Variants in GMDS observed in about 807,000 individuals in gnomAD.
GMDS encodes the protein GDP-mannose 4,6-dehydratase.
GMDS carries 20 observed loss-of-function variants against 49.9 expected under a neutral mutation model. That is an observed-to-expected ratio of 0.40 (90% CI 0.28 to 0.58). The LOEUF is 0.58. GMDS is among the 20% of genes least tolerant of loss of function. The probability of loss-of-function intolerance (pLI) is 0.42; values close to 1 mark genes in which losing one functional copy is unlikely to be tolerated. For synonymous variants in GMDS, 177 were observed against 178.6 expected, an observed-to-expected ratio of 0.99 and a Z score of 0.07; for missense variants, 362 against 481.4, an observed-to-expected ratio of 0.75 and a Z score of 2.32.
intron 7 of GMDS, among the ~76,000 whole-genome samples, chr6:1,757,687 G>A (rs557716260): frequency 1.3e-3 from 199 of 152,326 alleles, no homozygotes; most frequent in African/African-American, 4.6e-3. Context: ...TGGTTGAAGT[G>A]TTGACAATCA....
At chr6:1,742,689 G>T in intron 7 of GMDS, 103 bp from the exon 8 acceptor site, 1 of 661,506 alleles carries the variant, frequency 1.5e-6, no homozygotes, top group South Asian at 1.8e-5. Flanking sequence ...GCTGGAACAT[G>T]AGCATGAATT....
rs1251073793 is a variant in GMDS, at chr6:1,768,067, T to C, written c.772-25481A>G. Among the ~76,000 whole-genome samples, 2 of 152,330 alleles carry C rather than the reference T, an allele frequency of 1.3e-5. 1 individual carries two copies. Among genetic ancestry groups the C allele is most frequent in the South Asian group, 4.1e-4 (2 of 4,828 alleles). Reference sequence around the variant, plus strand: ...GGTGTTAAAATAGGTATTTAGCCTGTATATGTTACTATATGAAGCAGAAGA... The same window carrying C: ...GGTGTTAAAATAGGTATTTAGCCTGCATATGTTACTATATGAAGCAGAAGA... On this transcript the variant is annotated intron_variant, in intron 7 of 10. Transcript: ENST00000380815.
chr6:1,667,405 C>T (rs1030697185), intron 9 of GMDS, among the ~76,000 whole-genome samples: 7 of 152,170 alleles, frequency 4.6e-5, no homozygotes, highest in African/African-American at 1.4e-4. Flanking sequence ...GCAGTTGTAC[C>T]TTTGACCCAA....
At chr6:1,683,056 C>T (rs192417051) in intron 9 of GMDS, among the ~76,000 whole-genome samples, 4 of 152,140 alleles carry the variant, frequency 2.6e-5, no homozygotes, top group African/African-American at 9.7e-5. Context: ...ACTATGCCGA[C>T]GTCGACATCC....
At chr6:2,068,590 G>A (rs56307704) in intron 4 of GMDS, among the ~76,000 whole-genome samples, 3,025 of 151,862 alleles carry the variant, frequency 0.02, 82 homozygotes, top group African/African-American at 0.068. Flanking sequence ...AAATCAATGT[G>A]CAAAAATCAC....
chr6:1,914,232 G>A (rs1018383812), intron 7 of GMDS, among the ~76,000 whole-genome samples: 1 of 150,174 alleles, frequency 6.7e-6, no homozygotes, highest in Admixed American at 6.6e-5. Flanking sequence ...TGAGGCCGGG[G>A]TATCATGAGG....
intron 7 of GMDS, among the ~76,000 whole-genome samples, chr6:1,842,460 C>T (rs902001105): frequency 4.6e-5 from 7 of 152,174 alleles, no homozygotes; most frequent in Admixed American, 1.3e-4. Flanking sequence ...CAGGAAAGGC[C>T]AGGGAAGTCA....
At chr6:1,912,786 G>A (rs560661772) in intron 7 of GMDS, among the ~76,000 whole-genome samples, 1 of 152,252 alleles carries the variant, frequency 6.6e-6, no homozygotes, top group African/African-American at 2.4e-5. Context: ...TGCACACTTG[G>A]TCAGAAAATT....
intron 7 of GMDS, among the ~76,000 whole-genome samples, chr6:1,784,409 A>G (rs1053210456): frequency 5.4e-4 from 82 of 151,586 alleles, no homozygotes; most frequent in African/African-American, 1.8e-3. Flanking sequence ...AAAAAAAAAA[A>G]AAAAAGAAAA....
At chr6:2,172,252 T>C (rs1227473846) in intron 1 of GMDS, among the ~76,000 whole-genome samples, 1 of 152,084 alleles carries the variant, frequency 6.6e-6, no homozygotes, top group African/African-American at 2.4e-5. Flanking sequence ...ATATGTTGTA[T>C]CTCAAGAAGA....
At chr6:1,874,647 G>A (rs948181614) in intron 7 of GMDS, among the ~76,000 whole-genome samples, 11 of 152,166 alleles carry the variant, frequency 7.2e-5, no homozygotes, top group Admixed American at 3.3e-4. Flanking sequence ...AGGAAGCTAG[G>A]GGAAGCATGA....
chr6:1,751,185 A>G (rs563927799), intron 7 of GMDS, among the ~76,000 whole-genome samples: 162 of 152,348 alleles, frequency 1.1e-3, no homozygotes, highest in African/African-American at 3.8e-3. Flanking sequence ...GGCTCTGAAG[A>G]GAGCAGCGGA....
intron 4 of GMDS, among the ~76,000 whole-genome samples, chr6:1,982,458 T>C (rs1347030566): frequency 6.6e-6 from 1 of 152,184 alleles, no homozygotes; most frequent in Non-Finnish European, 1.5e-5. Flanking sequence ...TGTTTGCAGA[T>C]GACATGATCC....
At chr6:2,073,839 C>A (rs1393726785) in intron 4 of GMDS, among the ~76,000 whole-genome samples, 2 of 152,136 alleles carry the variant, frequency 1.3e-5, no homozygotes, top group Non-Finnish European at 2.9e-5. Context: ...TGATTTCATT[C>A]TTTCATTATG....
intron 9 of GMDS, among the ~76,000 whole-genome samples, chr6:1,666,490 T>C (rs1421437018): frequency 1.3e-5 from 2 of 152,334 alleles, no homozygotes; most frequent in Middle Eastern, 3.4e-3. Context: ...TACCTACTTG[T>C]TTATATTAAA....
rs569723022 is a variant in GMDS at position 1,994,548 on chromosome 6, G to A, written c.346-33582C>T. 7.2e-5 allele frequency among the ~76,000 whole-genome samples: 11 copies of A among 152,162 alleles called. No homozygotes were observed. In the South Asian group the frequency reaches 1.2e-3, roughly 17 times the overall value. ...TTGGGAACAGAAAGATAAATGAGGC[G>A]CAAACTTTGTCATTGAGGAACCCAT... On this transcript the variant is annotated intron_variant, in intron 4 of 10. Transcript: ENST00000380815.
chr6:2,069,578 AC>A (rs1379352613), intron 4 of GMDS, among the ~76,000 whole-genome samples: 1 of 152,174 alleles, frequency 6.6e-6, no homozygotes, highest in East Asian at 1.9e-4. Context: ...CAAGAAAAAA[AC>A]AAACAATCCC....
At chr6:1,933,957 C>T (rs1019392101) in intron 6 of GMDS, among the ~76,000 whole-genome samples, 3 of 152,080 alleles carry the variant, frequency 2.0e-5, no homozygotes, top group African/African-American at 7.2e-5. Context: ...CTTCGTTAAT[C>T]CAAGGTCATG....
At chr6:2,056,280 T>A (rs1283184454) in intron 4 of GMDS, among the ~76,000 whole-genome samples, 2 of 152,176 alleles carry the variant, frequency 1.3e-5, no homozygotes, top group Non-Finnish European at 2.9e-5. Context: ...TCCACAAAGT[T>A]AAGTAAGTCC....
Sources: gnomAD v4.1 joint callset for allele counts (sites outside exome capture counted in the v4.1 genomes callset) on GRCh38, gnomAD v4.1.1 for gene constraint, MANE v1.5 for transcripts, NCBI Gene and HGNC (gene_info 2026-07-23, HGNC 2026-07-21) for gene names.